Variants in BTNL8 observed in about 807,000 individuals in gnomAD.
BTNL8 encodes butyrophilin like 8, also known as butyrophilin-like protein 8.
Under a neutral mutation model 36.1 loss-of-function variants are expected in BTNL8, and 22 were observed. The ratio of observed to expected loss-of-function variants is 0.61; its 90% CI spans 0.44 to 0.87. BTNL8 has a LOEUF of 0.87. BTNL8 is among the 40% of genes least tolerant of loss of function. The pLI is 0.00. For missense variants in BTNL8, 526 were observed against 616.9 expected, an observed-to-expected ratio of 0.85 and a Z score of 1.56; for synonymous variants, 203 against 235.6, an observed-to-expected ratio of 0.86 and a Z score of 1.27.
At chr5:180,912,713 A>G (rs532054267) in intron 3 of BTNL8, among the ~76,000 whole-genome samples, 1 of 152,282 alleles carries the variant, frequency 6.6e-6, no homozygotes, top group Admixed American at 6.5e-5. Context: ...AAACAAAACA[A>G]AAAGCACTGA....
intron 4 of BTNL8, chr5:180,947,897 C>T (rs757036689): frequency 1.1e-5 from 13 of 1,227,668 alleles, no homozygotes; most frequent in African/African-American, 1.5e-5. Flanking sequence ...GATAATTTTC[C>T]ATGAACACCA....
chr5:180,950,293 A>G lies in BTNL8; in HGVS notation c.1252A>G (p.Ile418Val). ...GVFLDYECGT[I>V]SFFNINDQSL... ...CTTCCTGGACTATGAGTGTGGGACC[A>G]TCTCCTTCTTCAACATAAATGACCA... The change falls in exon 8 of 8, where the codon ATC (isoleucine) becomes GTC (valine). Residue 418 changes from isoleucine (I) to valine (V), a missense_variant. By Grantham distance (29) the Ile-to-Val change is conservative. Transcript: ENST00000340184. 2 of 1,463,594 alleles carry G rather than the reference A, an allele frequency of 1.4e-6. No homozygotes were observed. The highest frequency in any genetic ancestry group is 1.9e-6 in the Non-Finnish European group (2 of 1,059,090). The allele number at this position is 1,463,594 out of a possible 1,614,324, so 90.7% of individuals were successfully genotyped here. A position where few individuals can be genotyped will look rare whatever the true frequency, so the allele number is the denominator to read the frequency against.
Position 180,948,341 on chromosome 5 carries a change from T to A in BTNL8, c.788-14T>A, listed in dbSNP as rs141093578. ...CTCCTGTGTCCACCACTGAATATACTGTTTCTGTTTCAGGGAAAATCCAGG... is the reference window on the plus strand; with the variant it reads ...CTCCTGTGTCCACCACTGAATATACAGTTTCTGTTTCAGGGAAAATCCAGG... On this transcript the variant is annotated splice_polypyrimidine_tract_variant and intron_variant, in intron 4 of 7. Coordinates refer to ENST00000340184, the MANE Select transcript of BTNL8 (RefSeq NM_001040462.3). 1.2e-5 allele frequency: 18 copies of A among 1,465,944 alleles called. 4 individuals are homozygous for A. Among genetic ancestry groups the A allele is most frequent in the Non-Finnish European group, 1.7e-5 (18 of 1,060,076 alleles). The allele number at this position is 1,465,944 out of a possible 1,614,324, so 90.8% of individuals were successfully genotyped here.
chr5:180,909,009 A>G, intron 2 of BTNL8, 76 bp downstream of exon 2: 2 of 1,425,344 alleles, frequency 1.4e-6, no homozygotes, highest in Non-Finnish European at 9.5e-7. Flanking sequence ...TCAATAAGGA[A>G]ATTTTAAAAT....
rs966213840 is a variant in BTNL8 at position 180,948,456 on chromosome 5, G to C, written c.808+81G>C. On this transcript the variant is annotated intron_variant, in intron 5 of 7. Transcript: ENST00000340184. ...TGATCCACAGTTTGAGCCTCTGGAC[G>C]ACCCTGGCTGCAGGCTGGACAGGAA... The C allele has an allele frequency of 3.6e-5, 57 of 1,604,188 alleles. No homozygotes were observed. In the Middle Eastern group the frequency reaches 5.0e-4, roughly 14 times the overall value.
intron 3 of BTNL8, among the ~76,000 whole-genome samples, chr5:180,934,825 T>C (rs1432466587): frequency 6.6e-6 from 1 of 152,076 alleles, no homozygotes; most frequent in African/African-American, 2.4e-5. Context: ...GTCTGCAACA[T>C]TGCAAACAGG....
intron 1 of BTNL8, among the ~76,000 whole-genome samples, chr5:180,900,913 A>G (rs1464276628): frequency 2.0e-5 from 3 of 152,194 alleles, no homozygotes; most frequent in Non-Finnish European, 4.4e-5. Context: ...CTAAAATCGC[A>G]AACCTTCTGA....
chr5:180,916,469 A>G (rs1757632639), intron 3 of BTNL8, among the ~76,000 whole-genome samples: 1 of 152,162 alleles, frequency 6.6e-6, no homozygotes, highest in Admixed American at 6.5e-5. Context: ...GGAAGGAAAA[A>G]ATAATAATTA....
In BTNL8 at chr5:180,899,254, C is replaced by T. The variant is rs541011757; in HGVS notation, c.-57C>T. On this transcript the variant is annotated 5_prime_UTR_variant, in exon 1 of 8. Coordinates refer to ENST00000340184, the MANE Select transcript of BTNL8 (RefSeq NM_001040462.3). ...GTTCTCCTCTTCTCTCTAATCCATC[C>T]GTCACCTCTCCTGTCATCCGTTTCC... The T allele has an allele frequency of 2.3e-5, 37 of 1,586,890 alleles. No individual in the cohort carries two copies. The highest frequency in any genetic ancestry group is 1.7e-4 in the Middle Eastern group (1 of 5,960).
In BTNL8 at chr5:180,950,637, TG is replaced by T; in HGVS notation, c.*94del. 7.8e-7 allele frequency: 1 copy of T among 1,287,042 alleles called. No individual in the cohort carries two copies. Among genetic ancestry groups the T allele is most frequent in the Admixed American group, 2.2e-5 (1 of 44,508 alleles). The allele number at this position is 1,287,042 out of a possible 1,614,324, so 79.7% of individuals were successfully genotyped here. The stretch of plus-strand genomic sequence containing the variant: ...GCAGCCGGCCAAGGTGGCTTCCAGA[TG>T]AAGGGGGACTGGCCTGTCCACATGG... On this transcript the variant is annotated 3_prime_UTR_variant, in exon 8 of 8. Coordinates refer to ENST00000340184, the MANE Select transcript of BTNL8 (RefSeq NM_001040462.3).
At position 180,934,479 on chromosome 5, in the gene BTNL8, G is replaced by A. The variant is rs570870212; in HGVS notation, c.674-13033G>A. On this transcript the variant is annotated intron_variant, in intron 3 of 7. Coordinates refer to ENST00000340184, the MANE Select transcript of BTNL8 (RefSeq NM_001040462.3). ...TCCAGATCCCACACCTGCCAAGGGCGAGCCAGGCACAGAGCAGTGAGGAGT... is the reference window on the plus strand; with the variant it reads ...TCCAGATCCCACACCTGCCAAGGGCAAGCCAGGCACAGAGCAGTGAGGAGT... Among the ~76,000 whole-genome samples the A allele has an allele frequency of 4.6e-5, 7 of 152,334 alleles. No individual in the cohort carries two copies. The South Asian group carries it at 1.4e-3, about 32-fold the overall frequency.
At chr5:180,940,992 C>T (rs1298581896) in intron 3 of BTNL8, among the ~76,000 whole-genome samples, 2 of 151,860 alleles carry the variant, frequency 1.3e-5, no homozygotes, top group Non-Finnish European at 2.9e-5. Context: ...ACTCAGGAGG[C>T]TGAGGCTGAG....
intron 3 of BTNL8, among the ~76,000 whole-genome samples, chr5:180,947,026 A>G (rs1759291642): frequency 6.6e-6 from 1 of 152,234 alleles, no homozygotes; most frequent in South Asian, 2.1e-4. Context: ...GAATTTTCTT[A>G]GAACTTGACA....
chr5:180,949,741 T>C, intron 7 of BTNL8, 163 bp from the exon 8 acceptor site: 1 of 885,940 alleles, frequency 1.1e-6, no homozygotes, highest in Non-Finnish European at 1.7e-6. Flanking sequence ...CAGGCTGCAC[T>C]GGTGATGAGA....
chr5:180,944,766 C>G (rs1013773151), intron 3 of BTNL8, among the ~76,000 whole-genome samples: 1 of 151,588 alleles, frequency 6.6e-6, no homozygotes, highest in Non-Finnish European at 1.5e-5. Context: ...CATTTTGTAC[C>G]CTGTAAATAT....
intron 1 of BTNL8, chr5:180,902,502 G>A (rs1318654206): frequency 5.9e-6 from 7 of 1,186,946 alleles, no homozygotes; most frequent in Non-Finnish European, 8.4e-6. Context: ...CCCTGAGTAG[G>A]TCACACTATA....
At chr5:180,941,912 C>CTTTTTTTTTTTTTT (rs1554145496) in intron 3 of BTNL8, among the ~76,000 whole-genome samples, 98 of 144,754 alleles carry the variant, frequency 6.8e-4, no homozygotes, top group East Asian at 1.4e-3. Flanking sequence ...TTTTACTACT[C>CTTTTTTTTTTTTTT]TTATTCAACA....
Position 180,950,868 on chromosome 5 carries a change from T to C in BTNL8, c.*324T>C. The C allele has an allele frequency of 2.9e-6, 1 of 340,504 alleles. No individual in the cohort carries two copies. The allele number at this position is 340,504 out of a possible 1,614,324, so 21.1% of individuals were successfully genotyped here. Reference sequence around the variant, plus strand: ...CTTAGATCTTATTGATGACAGAGTGTATCCTAATGGTTTGTTCATTATATT... The same window carrying C: ...CTTAGATCTTATTGATGACAGAGTGCATCCTAATGGTTTGTTCATTATATT... On this transcript the variant is annotated 3_prime_UTR_variant, in exon 8 of 8. Coordinates refer to ENST00000340184, the MANE Select transcript of BTNL8 (RefSeq NM_001040462.3).
chr5:180,899,502 C>T lies in BTNL8; in HGVS notation c.49+143C>T, dbSNP rs2619739. On this transcript the variant is annotated intron_variant, in intron 1 of 7. Coordinates refer to ENST00000340184, the MANE Select transcript of BTNL8 (RefSeq NM_001040462.3). ...AGCCTCAGCCTGGGGAAGGATCAGG[C>T]GCTGTGGAAACAATTATAGTAGCCC... 0.09 allele frequency: 84,372 copies of T among 941,736 alleles called. 4,803 individuals are homozygous for T. The highest frequency in any genetic ancestry group is 0.2 in the South Asian group (13,969 of 68,256). The allele number at this position is 941,736 out of a possible 1,614,324, so 58.3% of individuals were successfully genotyped here. A position where few individuals can be genotyped will look rare whatever the true frequency, so the allele number is the denominator to read the frequency against.
Sources: allele counts gnomAD v4.1 joint callset (sites outside exome capture counted in the v4.1 genomes callset), GRCh38; gene constraint gnomAD v4.1.1; transcripts MANE v1.5; gene names NCBI Gene and HGNC (gene_info 2026-07-23, HGNC 2026-07-21).